ABHD5: variants seen among roughly 807,000 people sequenced by gnomAD.
The protein encoded by ABHD5 is 1-acylglycerol-3-phosphate O-acyltransferase ABHD5.
ABHD5 carries 30 observed loss-of-function variants against 44.9 expected under a neutral mutation model. The ratio of observed to expected loss-of-function variants is 0.67; its 90% CI spans 0.50 to 0.91. The LOEUF is 0.91. Ranked by LOEUF, ABHD5 falls within the 40% of genes least tolerant of loss-of-function variation. The pLI is 0.00. For synonymous variants in ABHD5, 167 were observed against 147.0 expected, an observed-to-expected ratio of 1.14 and a Z score of -0.99; for missense variants, 399 against 423.4, an observed-to-expected ratio of 0.94 and a Z score of 0.50.
intron 7 of ABHD5, among the ~76,000 whole-genome samples, chr3:43,730,533 T>A (rs1052279457): frequency 4.9e-5 from 7 of 143,214 alleles, no homozygotes; most frequent in African/African-American, 1.8e-4. Flanking sequence ...TGAGACGGGA[T>A]CTTCCCCTGT....
chr3:43,700,740 A>ATTTTTTTTTTTTTTTTTTTTT (rs1361660825), intron 2 of ABHD5, among the ~76,000 whole-genome samples: 29 of 151,220 alleles, frequency 1.9e-4, no homozygotes, highest in Non-Finnish European at 3.4e-4. Flanking sequence ...TACCCAGCTA[A>ATTTTTTTTTTTTTTTTTTTTT]TTTTTGTATT....
At chr3:43,715,138 T>C in intron 5 of ABHD5, 80 bp downstream of exon 5, 1 of 1,000,316 alleles carries the variant, frequency 1.0e-6, no homozygotes, top group Non-Finnish European at 1.6e-6. Context: ...TGTTTTAGAC[T>C]ATTTTTTTTA....
intron 2 of ABHD5, among the ~76,000 whole-genome samples, chr3:43,699,979 AC>A (rs1050263094): frequency 4.6e-5 from 7 of 151,602 alleles, no homozygotes; most frequent in Admixed American, 4.6e-4. Context: ...TCTCAGGGAC[AC>A]CCCCCCTGAC....
chr3:43,717,193 A>C (rs914649668), intron 5 of ABHD5, among the ~76,000 whole-genome samples: 12 of 120,616 alleles, frequency 9.9e-5, no homozygotes, highest in African/African-American at 3.9e-4. Flanking sequence ...CAAAAAAAAC[A>C]AAAAAAAAAA....
intron 1 of ABHD5, chr3:43,691,257 G>A (rs1417562277): frequency 2.5e-6 from 1 of 401,656 alleles, no homozygotes; most frequent in Non-Finnish European, 4.3e-6. Context: ...GCCCCGAGGT[G>A]TCTGAGCCGG....
At chr3:43,702,074 C>T in intron 2 of ABHD5, 141 bp from the exon 3 acceptor site, 1 of 751,112 alleles carries the variant, frequency 1.3e-6, no homozygotes, top group South Asian at 2.1e-5. Context: ...AAAATGTGTA[C>T]TTTTTAAAAA....
chr3:43,705,194 TTCTTC>T (rs1424921980), intron 3 of ABHD5, among the ~76,000 whole-genome samples: 1 of 152,234 alleles, frequency 6.6e-6, no homozygotes, highest in Non-Finnish European at 1.5e-5. Context: ...CTTTTCTCTG[TTCTTC>T]TCTTTGCATT....
intron 3 of ABHD5, 64 bp from the exon 4 acceptor site, chr3:43,711,645 T>G: frequency 6.4e-7 from 1 of 1,573,200 alleles, no homozygotes; most frequent in Non-Finnish European, 8.7e-7. Flanking sequence ...TAAATCATGT[T>G]AGCTCTTTAT....
exon 8 of ABHD5, chr3:43,734,304 A>G (rs1007843672): frequency 6.6e-6 from 1 of 152,132 alleles, no homozygotes; most frequent in Non-Finnish European, 1.5e-5. Context: ...CTGTGGTGCA[A>G]TTTGTGTTCC....
chr3:43,695,096 C>G (rs899770341), intron 1 of ABHD5: 1 of 152,196 alleles, frequency 6.6e-6, no homozygotes. Context: ...ATGTGCCAGG[C>G]AGCTGGTCTT....
At chr3:43,697,041 T>G (rs1398460435) in intron 1 of ABHD5, among the ~76,000 whole-genome samples, 1 of 152,186 alleles carries the variant, frequency 6.6e-6, no homozygotes, top group Non-Finnish European at 1.5e-5. Flanking sequence ...CTTCTCTGAG[T>G]TGAGCTGGTC....
At chr3:43,712,796 C>T (rs541781345) in intron 4 of ABHD5, among the ~76,000 whole-genome samples, 2 of 152,072 alleles carry the variant, frequency 1.3e-5, no homozygotes, top group South Asian at 2.1e-4. Flanking sequence ...CACAAATCAG[C>T]GCCCTGAGCA....
intron 3 of ABHD5, among the ~76,000 whole-genome samples, chr3:43,703,272 C>T (rs977433748): frequency 6.6e-6 from 1 of 151,452 alleles, no homozygotes; most frequent in Non-Finnish European, 1.5e-5. Flanking sequence ...CTCCGCCTCC[C>T]AGGCCCAAGC....
At chr3:43,699,067 T>C (rs1178993113) in intron 1 of ABHD5, among the ~76,000 whole-genome samples, 1 of 152,244 alleles carries the variant, frequency 6.6e-6, no homozygotes, top group African/African-American at 2.4e-5. Flanking sequence ...CTTTGAGATC[T>C]ACTTGTAAGT....
intron 2 of ABHD5, among the ~76,000 whole-genome samples, chr3:43,701,304 G>A (rs1472215236): frequency 6.6e-6 from 1 of 152,174 alleles, no homozygotes; most frequent in African/African-American, 2.4e-5. Flanking sequence ...CTGAATGAAT[G>A]TTAGGTTTCT....
chr3:43,701,406 A>G (rs747660584), intron 2 of ABHD5, among the ~76,000 whole-genome samples: 4 of 152,248 alleles, frequency 2.6e-5, no homozygotes, highest in Admixed American at 6.5e-5. Context: ...TGTTTACTGT[A>G]TATGAATATG....
downstream of ABHD5, among the ~76,000 whole-genome samples, chr3:43,725,093 G>A (rs145166250): frequency 1.6e-4 from 24 of 152,294 alleles, no homozygotes; most frequent in South Asian, 2.7e-3. Flanking sequence ...GTGAGTCTCC[G>A]TAATTTAAGT....
intron 7 of ABHD5, among the ~76,000 whole-genome samples, chr3:43,730,265 C>A (rs1181885859): frequency 6.6e-6 from 1 of 152,200 alleles, no homozygotes; most frequent in Admixed American, 6.5e-5. Flanking sequence ...TGGCTGCCAA[C>A]TAGTTCACAC....
chr3:43,705,643 A>G (rs984707269), intron 3 of ABHD5, among the ~76,000 whole-genome samples: 1 of 152,212 alleles, frequency 6.6e-6, no homozygotes, highest in South Asian at 2.1e-4. Flanking sequence ...AGCATATAAT[A>G]TAGGAAGACT....
Sources: gnomAD v4.1 joint callset for allele counts (sites outside exome capture counted in the v4.1 genomes callset) on GRCh38, gnomAD v4.1.1 for gene constraint, MANE v1.5 for transcripts, NCBI Gene and HGNC (gene_info 2026-07-23, HGNC 2026-07-21) for gene names.